The following FOXN3 variants were observed in gnomAD, a reference collection of about 807,000 sequenced individuals.
The protein encoded by FOXN3 is forkhead box N3.
Under a neutral mutation model 38.4 loss-of-function variants are expected in FOXN3, and 7 were observed. The ratio of observed to expected loss-of-function variants is 0.18; its 90% CI spans 0.10 to 0.34. The LOEUF is 0.34. Among genes scored for constraint, FOXN3 ranks in the 10% least tolerant of loss-of-function variants. The pLI is 1.00. For synonymous variants in FOXN3, 230 were observed against 242.2 expected, an observed-to-expected ratio of 0.95 and a Z score of 0.47; for missense variants, 456 against 613.4, an observed-to-expected ratio of 0.74 and a Z score of 2.71.
chr14:89,542,543 T>G (rs1197431712), intron 1 of FOXN3, among the ~76,000 whole-genome samples: 1 of 152,222 alleles, frequency 6.6e-6, no homozygotes, highest in African/African-American at 2.4e-5. Context: ...AAGTTCGTCA[T>G]TGCTTTTGTA....
chr14:89,567,796 C>G (rs1235775002), intron 1 of FOXN3, among the ~76,000 whole-genome samples: 3 of 148,828 alleles, frequency 2.0e-5, no homozygotes, highest in African/African-American at 5.0e-5. Context: ...GATCTCGGGT[C>G]ACTGCAAGCT....
At chr14:89,171,518 A>G (rs1887387245) in intron 5 of FOXN3, among the ~76,000 whole-genome samples, 1 of 152,208 alleles carries the variant, frequency 6.6e-6, no homozygotes, top group South Asian at 2.1e-4. Flanking sequence ...ATAAAACATT[A>G]GCTTGGCAAC....
At chr14:89,181,729 G>A (rs1038181307) in intron 4 of FOXN3, among the ~76,000 whole-genome samples, 6 of 152,236 alleles carry the variant, frequency 3.9e-5, no homozygotes, top group East Asian at 1.9e-4. Flanking sequence ...GAGGAGAACC[G>A]CAGGGAATCC....
intron 1 of FOXN3, among the ~76,000 whole-genome samples, chr14:89,467,800 C>CTTTTTTTTT (rs1383456566): frequency 5.2e-5 from 3 of 57,894 alleles, no homozygotes; most frequent in Non-Finnish European, 1.1e-4. Flanking sequence ...TCTTTTCTTT[C>CTTTTTTTTT]TTTGTTTTTT....
chr14:89,339,016 T>C (rs1271730127), intron 3 of FOXN3, among the ~76,000 whole-genome samples: 1 of 152,194 alleles, frequency 6.6e-6, no homozygotes, highest in Non-Finnish European at 1.5e-5. Flanking sequence ...TGGTTTGTTT[T>C]TGAGACAGAG....
intron 1 of FOXN3, among the ~76,000 whole-genome samples, chr14:89,463,799 T>C (rs1209128370): frequency 2.0e-5 from 3 of 151,456 alleles, no homozygotes; most frequent in African/African-American, 7.3e-5. Context: ...TTTTTTTTTT[T>C]TTGAGATGGA....
intron 4 of FOXN3, among the ~76,000 whole-genome samples, chr14:89,205,302 G>A (rs983778324): frequency 3.5e-4 from 53 of 152,156 alleles, no homozygotes; most frequent in Non-Finnish European, 4.1e-4. Context: ...GAGGTGATGA[G>A]GTCATGAGGG....
intron 1 of FOXN3, among the ~76,000 whole-genome samples, chr14:89,426,241 T>TTTTTTA (rs55794657): frequency 8.2e-6 from 1 of 122,058 alleles, no homozygotes; most frequent in African/African-American, 3.4e-5. Flanking sequence ...TTTTTTTTTT[T>TTTTTTA]GAGACAGGGT....
intron 1 of FOXN3, among the ~76,000 whole-genome samples, chr14:89,479,844 C>T (rs971748243): frequency 3.3e-5 from 5 of 152,138 alleles, no homozygotes; most frequent in Admixed American, 2.0e-4. Context: ...CCGGGGAGCA[C>T]CTAGAGCCAT....
At chr14:89,177,054 A>G (rs1239197837) in intron 5 of FOXN3, among the ~76,000 whole-genome samples, 5 of 131,216 alleles carry the variant, frequency 3.8e-5, no homozygotes, top group Non-Finnish European at 6.2e-5. Context: ...CCTGTTGCCC[A>G]GGCTGGAGTG....
chr14:89,506,091 C>T (rs1366796408), intron 1 of FOXN3, among the ~76,000 whole-genome samples: 5 of 142,714 alleles, frequency 3.5e-5, no homozygotes, highest in East Asian at 2.1e-4. Context: ...GCCCCCCGCC[C>T]GGCCAGCCGC....
At chr14:89,435,563 C>T (rs1215121837) in intron 1 of FOXN3, among the ~76,000 whole-genome samples, 1 of 152,152 alleles carries the variant, frequency 6.6e-6, no homozygotes, top group East Asian at 1.9e-4. Context: ...CATTCGTTCC[C>T]TCACAAACCA....
intron 1 of FOXN3, among the ~76,000 whole-genome samples, chr14:89,463,796 T>C (rs1596284380): frequency 6.6e-6 from 1 of 151,622 alleles, no homozygotes; most frequent in East Asian, 1.9e-4. Context: ...TTTTTTTTTT[T>C]TTTTTGAGAT....
intron 5 of FOXN3, among the ~76,000 whole-genome samples, chr14:89,180,257 C>G (rs913350097): frequency 2.0e-5 from 3 of 152,124 alleles, no homozygotes; most frequent in Non-Finnish European, 2.9e-5. Context: ...CGCCTCACAT[C>G]TGATTTTGCA....
At chr14:89,406,113 A>ATTT (rs1891382126) in intron 2 of FOXN3, among the ~76,000 whole-genome samples, 1 of 152,046 alleles carries the variant, frequency 6.6e-6, no homozygotes, top group Non-Finnish European at 1.5e-5. Context: ...TGCCCAGCTA[A>ATTT]TTTTTTTATC....
intron 1 of FOXN3, among the ~76,000 whole-genome samples, chr14:89,598,784 T>A (rs1410521717): frequency 6.6e-6 from 1 of 152,234 alleles, no homozygotes; most frequent in East Asian, 1.9e-4. Flanking sequence ...TCCCCAACCA[T>A]GATGCTTTTC....
At chr14:89,277,761 G>T (rs1886342578) in intron 4 of FOXN3, among the ~76,000 whole-genome samples, 2 of 152,180 alleles carry the variant, frequency 1.3e-5, no homozygotes, top group Admixed American at 6.5e-5. Context: ...AGGTCATTTT[G>T]ATTTCAACTT....
At chr14:89,277,704 C>T (rs1461398249) in intron 4 of FOXN3, among the ~76,000 whole-genome samples, 3 of 152,166 alleles carry the variant, frequency 2.0e-5, no homozygotes, top group Non-Finnish European at 4.4e-5. Context: ...CCACTCTAAA[C>T]CAAACAACGA....
At chr14:89,281,841 C>G (rs910137405) in intron 3 of FOXN3, among the ~76,000 whole-genome samples, 1 of 152,090 alleles carries the variant, frequency 6.6e-6, no homozygotes, top group East Asian at 1.9e-4. Flanking sequence ...CTACATCCAG[C>G]CCAAGAGGCA....
Sources: gnomAD v4.1 joint callset for allele counts (sites outside exome capture counted in the v4.1 genomes callset) on GRCh38, gnomAD v4.1.1 for gene constraint, MANE v1.5 for transcripts, NCBI Gene and HGNC (gene_info 2026-07-23, HGNC 2026-07-21) for gene names.